PSPC1: variants seen among roughly 807,000 people sequenced by gnomAD.
The protein encoded by PSPC1 is paraspeckle protein 1.
Under a neutral mutation model 51.6 loss-of-function variants are expected in PSPC1, and 14 were observed. The observed-to-expected ratio is 0.27, with a 90% CI of 0.18 to 0.42. The LOEUF is 0.42. PSPC1 is among the 10% of genes least tolerant of loss of function. PSPC1 has a pLI of 1.00. For synonymous variants in PSPC1, 193 were observed against 231.9 expected (o/e 0.83, Z 1.53); for missense variants, 406 against 701.1 (o/e 0.58, Z 4.75).
At chr13:19,711,128 G>A (rs9508857) in intron 6 of PSPC1, among the ~76,000 whole-genome samples, 120,189 of 152,164 alleles carry the variant, frequency 0.79, 48,663 homozygotes, top group East Asian at 0.96. Context: ...AACGTGAACC[G>A]CAATGCCCAG....
chr13:19,710,044 T>C (rs1480041072), intron 6 of PSPC1, among the ~76,000 whole-genome samples: 1 of 152,188 alleles, frequency 6.6e-6, no homozygotes, highest in African/African-American at 2.4e-5. Context: ...ATAACACAAA[T>C]AGCTTTAGGG....
intron 5 of PSPC1, among the ~76,000 whole-genome samples, chr13:19,737,583 T>C (rs759122146): frequency 5.9e-5 from 6 of 100,998 alleles, no homozygotes; most frequent in Non-Finnish European, 1.1e-4. Context: ...TGGTGGTGTC[T>C]ACTGGGTTTC....
intron 6 of PSPC1, among the ~76,000 whole-genome samples, chr13:19,686,228 A>T (rs1268734191): frequency 6.6e-6 from 1 of 152,196 alleles, no homozygotes; most frequent in African/African-American, 2.4e-5. Flanking sequence ...TGACCACGGC[A>T]TTGCTCCACA....
intron 6 of PSPC1, among the ~76,000 whole-genome samples, chr13:19,690,975 TTCAAAC>T (rs1878472068): frequency 6.6e-6 from 1 of 152,336 alleles, no homozygotes; most frequent in Middle Eastern, 3.4e-3. Context: ...CTTACTAGAC[TTCAAAC>T]TCAAAGAAGG....
intron 2 of PSPC1, among the ~76,000 whole-genome samples, chr13:19,760,660 C>A (rs1887528460): frequency 6.6e-6 from 1 of 151,734 alleles, no homozygotes; most frequent in African/African-American, 2.4e-5. Flanking sequence ...TCAAGATCAG[C>A]CTGGGAAAGA....
intron 4 of PSPC1, among the ~76,000 whole-genome samples, chr13:19,749,518 T>G (rs1012542541): frequency 2.7e-5 from 4 of 147,150 alleles, no homozygotes; most frequent in Middle Eastern, 3.5e-3. Context: ...CAGAGTGAGA[T>G]TCTGTCTCAA....
At chr13:19,716,807 T>C (rs1449083431) in intron 6 of PSPC1, among the ~76,000 whole-genome samples, 1 of 152,214 alleles carries the variant, frequency 6.6e-6, no homozygotes, top group Non-Finnish European at 1.5e-5. Flanking sequence ...GTGAGCAAAC[T>C]ATATTCTATT....
At chr13:19,740,142 G>A (rs147908591) in intron 5 of PSPC1, among the ~76,000 whole-genome samples, 5,581 of 152,148 alleles carry the variant, frequency 0.037, 153 homozygotes, top group South Asian at 0.097. Flanking sequence ...TCCGGAGTTC[G>A]AGACCAGCCT....
intron 1 of PSPC1, 52 bp from the exon 2 acceptor site, chr13:19,772,595 C>G: frequency 6.6e-7 from 1 of 1,523,882 alleles, no homozygotes; most frequent in Non-Finnish European, 8.8e-7. Context: ...AGAAAAAATT[C>G]AAAACAGTGT....
At chr13:19,721,858 ATTAC>A (rs1882813394) in intron 6 of PSPC1, among the ~76,000 whole-genome samples, 1 of 152,250 alleles carries the variant, frequency 6.6e-6, no homozygotes, top group African/African-American at 2.4e-5. Context: ...AATACTCTTC[ATTAC>A]TTAATCACGT....
intron 2 of PSPC1, among the ~76,000 whole-genome samples, chr13:19,771,268 G>A (rs1194128620): frequency 1.3e-5 from 2 of 152,100 alleles, no homozygotes; most frequent in Non-Finnish European, 2.9e-5. Flanking sequence ...CTCCCAAGTA[G>A]CTGGGATTAC....
At chr13:19,724,756 T>C (rs1323501907) in intron 6 of PSPC1, among the ~76,000 whole-genome samples, 1 of 152,072 alleles carries the variant, frequency 6.6e-6, no homozygotes, top group Non-Finnish European at 1.5e-5. Context: ...TCCCACCACT[T>C]TGGGAGGCCG....
intron 7 of PSPC1, chr13:19,675,269 C>T (rs1046014408): frequency 1.3e-5 from 2 of 152,132 alleles, no homozygotes; most frequent in Non-Finnish European, 2.9e-5. Flanking sequence ...TTTTAAAACT[C>T]CTCTAATGGT....
At chr13:19,680,557 T>G (rs1437896494) in intron 6 of PSPC1, among the ~76,000 whole-genome samples, 1 of 152,154 alleles carries the variant, frequency 6.6e-6, no homozygotes, top group Non-Finnish European at 1.5e-5. Flanking sequence ...CAGCACTTAA[T>G]ACTTCCTCAT....
chr13:19,738,630 G>A (rs897536543), intron 5 of PSPC1, among the ~76,000 whole-genome samples: 5 of 152,134 alleles, frequency 3.3e-5, no homozygotes, highest in Non-Finnish European at 5.9e-5. Context: ...CAAGTTAGCC[G>A]GGTGCAGTGG....
intron 2 of PSPC1, among the ~76,000 whole-genome samples, chr13:19,762,714 G>A (rs1173462919): frequency 1.3e-5 from 2 of 152,142 alleles, no homozygotes; most frequent in Admixed American, 1.3e-4. Flanking sequence ...TCTATCTATG[G>A]TTTCATTGTA....
chr13:19,697,724 A>G (rs557141922), downstream of PSPC1, among the ~76,000 whole-genome samples: 1 of 152,280 alleles, frequency 6.6e-6, no homozygotes, highest in African/African-American at 2.4e-5. Flanking sequence ...TAAAAGTCAT[A>G]CAGAATGACT....
chr13:19,681,104 A>G (rs1877220687), intron 6 of PSPC1, among the ~76,000 whole-genome samples: 2 of 152,134 alleles, frequency 1.3e-5, no homozygotes, highest in Admixed American at 1.3e-4. Context: ...CGTCCTGGCT[A>G]CTTGGGAGGC....
chr13:19,744,303 C>T (rs1475952387), intron 4 of PSPC1, among the ~76,000 whole-genome samples: 1 of 152,086 alleles, frequency 6.6e-6, no homozygotes, highest in African/African-American at 2.4e-5. Flanking sequence ...CAGATCTTAT[C>T]ACCTTACTTG....
Sources: gnomAD v4.1 joint callset for allele counts (sites outside exome capture counted in the v4.1 genomes callset) on GRCh38, gnomAD v4.1.1 for gene constraint, MANE v1.5 for transcripts, NCBI Gene and HGNC (gene_info 2026-07-23, HGNC 2026-07-21) for gene names.